Variants in BMP2K observed in about 807,000 individuals in gnomAD.
BMP2K encodes the protein BMP2 inducible kinase, also known as BMP-2-inducible protein kinase.
In BMP2K, 74 loss-of-function variants were observed where a neutral mutation model predicts 116.0. The observed-to-expected ratio is 0.64, with a 90% CI of 0.53 to 0.77. The LOEUF is 0.77. Among genes scored for constraint, BMP2K ranks in the 30% least tolerant of loss-of-function variants. The pLI is 0.00. For synonymous variants in BMP2K, 486 were observed against 502.5 expected, an observed-to-expected ratio of 0.97 and a Z score of 0.44; for missense variants, 1,365 against 1,403.6, an observed-to-expected ratio of 0.97 and a Z score of 0.44.
At chr4:78,872,001 A>G (rs1393891697) in intron 12 of BMP2K, 53 bp downstream of exon 12, 2 of 1,238,608 alleles carry the variant, frequency 1.6e-6, no homozygotes, top group Non-Finnish European at 1.2e-6. Flanking sequence ...TGGTGTTGGA[A>G]TTCACAGTAT....
intron 15 of BMP2K, among the ~76,000 whole-genome samples, chr4:78,891,694 G>C (rs1009330866): frequency 6.6e-5 from 10 of 152,120 alleles, no homozygotes; most frequent in Non-Finnish European, 1.5e-4. Context: ...CTTTGGTTTT[G>C]CACATTTTGC....
At chr4:78,831,993 T>G (rs951752840) in intron 2 of BMP2K, among the ~76,000 whole-genome samples, 25 of 152,172 alleles carry the variant, frequency 1.6e-4, no homozygotes, top group African/African-American at 5.8e-4. Flanking sequence ...TGAGGTGAAA[T>G]TCACATAATT....
At chr4:78,819,138 T>C (rs980080983) in intron 1 of BMP2K, among the ~76,000 whole-genome samples, 3 of 152,204 alleles carry the variant, frequency 2.0e-5, no homozygotes, top group African/African-American at 7.2e-5. Context: ...AATTTCTTCT[T>C]GGAATCTAGC....
intron 7 of BMP2K, among the ~76,000 whole-genome samples, chr4:78,852,959 T>C (rs545654169): frequency 9.1e-4 from 139 of 152,330 alleles, no homozygotes; most frequent in African/African-American, 3.2e-3. Context: ...TTTGCCATTT[T>C]ATTTCAGTGT....
chr4:78,817,248 A>G (rs955169495), intron 1 of BMP2K, among the ~76,000 whole-genome samples: 1 of 152,226 alleles, frequency 6.6e-6, no homozygotes, highest in African/African-American at 2.4e-5. Flanking sequence ...CAATTCTGAC[A>G]CTTAACTGTT....
chr4:78,889,717 C>CA (rs1273965970), intron 15 of BMP2K, among the ~76,000 whole-genome samples: 2 of 151,998 alleles, frequency 1.3e-5, no homozygotes, highest in South Asian at 2.1e-4. Context: ...CCAAGAAAGG[C>CA]AAAAAACTAC....
chr4:78,829,826 T>TCTTCC (rs1428718561), intron 2 of BMP2K, among the ~76,000 whole-genome samples: 3 of 149,604 alleles, frequency 2.0e-5, no homozygotes, highest in African/African-American at 7.5e-5. Context: ...TCTTCTCTTC[T>TCTTCC]CTTCTCTTCT....
At chr4:78,907,904 C>T (rs758264441) in intron 15 of BMP2K, among the ~76,000 whole-genome samples, 4 of 152,072 alleles carry the variant, frequency 2.6e-5, no homozygotes, top group Admixed American at 1.3e-4. Context: ...AGGAGTAATA[C>T]GTTAAACGTT....
intron 14 of BMP2K, among the ~76,000 whole-genome samples, chr4:78,885,573 A>G (rs1339929477): frequency 2.6e-5 from 4 of 152,186 alleles, no homozygotes; most frequent in Non-Finnish European, 5.9e-5. Flanking sequence ...AGGGAATTCC[A>G]ATTCTACTTG....
At position 78,776,682 on chromosome 4, in the gene BMP2K, G is replaced by A; in HGVS notation, c.139G>A (p.Gly47Ser). ...CGTGGGGGTCCGGGTGTTCGCGGTCGGCCGCCACCAGGTCACCCTGGAAGA... is the reference window on the plus strand; with the variant it reads ...CGTGGGGGTCCGGGTGTTCGCGGTCAGCCGCCACCAGGTCACCCTGGAAGA... Reference protein sequence around the residue: ...SSVGVRVFAVGRHQVTLEESL... With the variant: ...SSVGVRVFAVSRHQVTLEESL... Residue 47 changes from glycine to serine, a missense_variant, in exon 1 of 16, where the codon GGC becomes AGC. Around this residue, in one of 3 missense-constraint regions of BMP2K, gnomAD observed 762 missense variants for 756.7 expected, o/e 1.01. Coordinates refer to ENST00000502613, the MANE Select transcript of BMP2K (RefSeq NM_198892.2). The A allele has an allele frequency of 8.0e-7, 1 of 1,248,992 alleles. No individual in the cohort carries two copies. The highest frequency in any genetic ancestry group is 1.0e-6 in the Non-Finnish European group (1 of 992,714). 77.4% of individuals were successfully genotyped at this position (1,248,992 alleles called of 1,614,324 possible).
chr4:78,877,233 TTTC>T (rs1232675453), intron 13 of BMP2K, among the ~76,000 whole-genome samples: 3 of 152,120 alleles, frequency 2.0e-5, no homozygotes, highest in South Asian at 2.1e-4. Context: ...ATAAAATTTT[TTTC>T]TTCTTCAATA....
Position 78,913,287 on chromosome 4 carries a change from C to T in BMP2K, c.*1254C>T, listed in dbSNP as rs1734763868. 6.6e-6 allele frequency: 1 copy of T among 152,134 alleles called. No individual in the cohort carries two copies. Among genetic ancestry groups the T allele is most frequent in the Non-Finnish European group, 1.5e-5 (1 of 68,002 alleles). The allele number at this position is 152,134 out of a possible 1,614,324, so 9.4% of individuals were successfully genotyped here. Reference sequence around the variant, plus strand: ...TATAAGGTGGACTAGCATCTTAATTCTGCTAGTTGATTGTGTCTTTACTGA... The same window carrying T: ...TATAAGGTGGACTAGCATCTTAATTTTGCTAGTTGATTGTGTCTTTACTGA... On this transcript the variant is annotated 3_prime_UTR_variant, in exon 16 of 16. Transcript: ENST00000502613.
intron 1 of BMP2K, among the ~76,000 whole-genome samples, chr4:78,781,540 T>C (rs1727506336): frequency 6.6e-6 from 1 of 151,848 alleles, no homozygotes; most frequent in Non-Finnish European, 1.5e-5. Flanking sequence ...GGGTATGTCG[T>C]CTGGAACTCA....
intron 8 of BMP2K, 58 bp downstream of exon 8, chr4:78,859,745 T>G: frequency 1.6e-6 from 2 of 1,217,402 alleles, no homozygotes; most frequent in Non-Finnish European, 2.3e-6. Context: ...TATGTGAATA[T>G]ATTTACTTTC....
At chr4:78,830,654 G>A (rs924365945) in intron 2 of BMP2K, among the ~76,000 whole-genome samples, 1 of 152,228 alleles carries the variant, frequency 6.6e-6, no homozygotes, top group African/African-American at 2.4e-5. Flanking sequence ...ATAACTTGCT[G>A]CATTTCCTGC....
chr4:78,884,325 T>G (rs1307654644), intron 14 of BMP2K, among the ~76,000 whole-genome samples: 1 of 152,052 alleles, frequency 6.6e-6, no homozygotes, highest in Non-Finnish European at 1.5e-5. Flanking sequence ...AGACCCTGTC[T>G]CAAAACATAA....
intron 7 of BMP2K, among the ~76,000 whole-genome samples, chr4:78,855,585 G>A (rs934985917): frequency 1.3e-5 from 2 of 152,136 alleles, no homozygotes; most frequent in African/African-American, 4.8e-5. Flanking sequence ...GCAACAGGCA[G>A]CTCCTTTAGC....
At position 78,910,616 on chromosome 4, in the gene BMP2K, C is replaced by T. The variant is rs1156601551; in HGVS notation, c.2069C>T (p.Pro690Leu). Residue 690 changes from proline (P) to leucine (L), a missense_variant, in exon 16 of 16, where the codon CCT (proline) becomes CTT (leucine). Physicochemically the swap from Pro to Leu is moderately conservative, Grantham distance 98. Transcript: ENST00000502613. ...TATTTATTTGAACTTGCAGGTTCTC[C>T]TGAAAAGAAAGCTGAACATTCATCT... is the stretch of plus-strand genomic sequence containing the variant. ...SVPFISHSGSPEKKAEHSSIN... is the reference protein window; with the variant it reads ...SVPFISHSGSLEKKAEHSSIN... 1 of 1,531,568 alleles carries T rather than the reference C, an allele frequency of 6.5e-7. No individual in the cohort carries two copies. The highest frequency in any genetic ancestry group is 8.7e-7 in the Non-Finnish European group (1 of 1,145,306). 94.9% of individuals were successfully genotyped at this position (1,531,568 alleles called of 1,614,324 possible).
intron 2 of BMP2K, among the ~76,000 whole-genome samples, chr4:78,828,182 A>G (rs1263326695): frequency 6.6e-6 from 1 of 152,228 alleles, no homozygotes; most frequent in Non-Finnish European, 1.5e-5. Context: ...TTCACCTTCT[A>G]ACTTAAAGTT....
Sources: gnomAD v4.1 joint callset for allele counts (sites outside exome capture counted in the v4.1 genomes callset) on GRCh38, gnomAD v4.1.1 for gene constraint, gnomAD v4.1.1 regional missense constraint, MANE v1.5 for transcripts, NCBI Gene and HGNC (gene_info 2026-07-23, HGNC 2026-07-21) for gene names.